The following ELMO1 variants were observed in gnomAD, a reference collection of about 807,000 sequenced individuals.
The protein encoded by ELMO1 is engulfment and cell motility protein 1.
In ELMO1, 26 loss-of-function variants were observed where a neutral mutation model predicts 98.9. The ratio of observed to expected loss-of-function variants is 0.26; its 90% CI spans 0.19 to 0.36. The LOEUF is 0.36. Among genes scored for constraint, ELMO1 ranks in the 10% least tolerant of loss-of-function variants. The pLI, the probability that ELMO1 is intolerant of heterozygous loss-of-function variation, is 1.00. For missense variants in ELMO1, 627 were observed against 935.2 expected (o/e 0.67, Z 4.30); for synonymous variants, 346 against 346.0 (o/e 1.00, Z 0.00).
At chr7:37,421,381 T>C (rs1312094167) in intron 1 of ELMO1, among the ~76,000 whole-genome samples, 1 of 152,248 alleles carries the variant, frequency 6.6e-6, no homozygotes, top group Non-Finnish European at 1.5e-5. Context: ...CATTTTGCAA[T>C]GATCAGCCAG....
At chr7:37,241,275 T>C (rs1794754130) in intron 7 of ELMO1, among the ~76,000 whole-genome samples, 1 of 152,170 alleles carries the variant, frequency 6.6e-6, no homozygotes, top group Non-Finnish European at 1.5e-5. Flanking sequence ...TTAACTCTGA[T>C]AACATATTGC....
chr7:37,188,501 A>AAAATAATAAT (rs764889756), intron 13 of ELMO1, among the ~76,000 whole-genome samples: 16 of 125,940 alleles, frequency 1.3e-4, no homozygotes, highest in African/African-American at 3.9e-4. Context: ...AAAAAAAAAA[A>AAAATAATAAT]AATAATAATA....
At chr7:37,013,935 C>T (rs1312505877) in intron 15 of ELMO1, among the ~76,000 whole-genome samples, 1 of 152,216 alleles carries the variant, frequency 6.6e-6, no homozygotes. Flanking sequence ...TCTCTCATGG[C>T]AGTAAGCAGG....
chr7:36,858,969 T>C (rs966008951), intron 21 of ELMO1, among the ~76,000 whole-genome samples: 6 of 152,210 alleles, frequency 3.9e-5, no homozygotes, highest in African/African-American at 1.4e-4. Context: ...TTTGTTACAA[T>C]AGCAACAGTA....
rs536980110 is a variant in ELMO1, at chr7:37,167,922, C to T, written c.1087-34688G>A. Among the ~76,000 whole-genome samples the T allele has an allele frequency of 2.6e-3, 401 of 152,232 alleles. 5 individuals carry two copies. Among genetic ancestry groups the T allele is most frequent in the African/African-American group, 9.2e-3 (383 of 41,528 alleles). On this transcript the variant is annotated intron_variant, in intron 13 of 21. Coordinates refer to ENST00000310758, the MANE Select transcript of ELMO1 (RefSeq NM_014800.11). Reference sequence around the variant, plus strand: ...TTGGGGAAGTTCTCCTGGATAATATCCTGTAGAGTGTTTTCCAACTTGGTT... The same window carrying T: ...TTGGGGAAGTTCTCCTGGATAATATTCTGTAGAGTGTTTTCCAACTTGGTT...
chr7:37,185,502 AC>A (rs1316139419), intron 13 of ELMO1, among the ~76,000 whole-genome samples: 2 of 152,164 alleles, frequency 1.3e-5, no homozygotes, highest in Non-Finnish European at 2.9e-5. Context: ...GGCATGGTAA[AC>A]CCACTCAGAT....
Position 37,125,023 on chromosome 7 carries a change from C to T in ELMO1, c.1191+8107G>A, listed in dbSNP as rs564566356. Among the ~76,000 whole-genome samples, 292 of 152,222 alleles carry T rather than the reference C, an allele frequency of 1.9e-3. 2 individuals are homozygous for T. The East Asian group carries it at 0.032, about 17-fold the overall frequency. On this transcript the variant is annotated intron_variant, in intron 14 of 21. Transcript: ENST00000310758. ...TGATCTTTGACAAACCTGACAAAAA[C>T]AAGAAATGGGGAAAGGATTCCCTAT... is the stretch of plus-strand genomic sequence containing the variant.
intron 1 of ELMO1, among the ~76,000 whole-genome samples, chr7:37,436,384 T>C (rs1393215556): frequency 6.6e-6 from 1 of 152,204 alleles, no homozygotes; most frequent in Non-Finnish European, 1.5e-5. Flanking sequence ...TGTATATTTG[T>C]CAGGTCCAAT....
intron 13 of ELMO1, among the ~76,000 whole-genome samples, chr7:37,146,166 T>G (rs1472014878): frequency 1.3e-5 from 2 of 152,162 alleles, no homozygotes; most frequent in African/African-American, 4.8e-5. Context: ...CCAGTGTCCT[T>G]CCAAGGTTGA....
chr7:37,329,390 A>G (rs940512231), intron 2 of ELMO1, among the ~76,000 whole-genome samples: 1 of 152,198 alleles, frequency 6.6e-6, no homozygotes, highest in East Asian at 1.9e-4. Context: ...TCAAATATTT[A>G]TCATTTCTTT....
intron 1 of ELMO1, among the ~76,000 whole-genome samples, chr7:37,384,838 T>C (rs112728616): frequency 3.9e-5 from 6 of 152,320 alleles, no homozygotes; most frequent in African/African-American, 1.4e-4. Flanking sequence ...TTCACTCTAA[T>C]CTGCAATAAA....
intron 4 of ELMO1, among the ~76,000 whole-genome samples, chr7:37,305,601 C>T (rs547612207): frequency 6.6e-6 from 1 of 152,342 alleles, no homozygotes; most frequent in South Asian, 2.1e-4. Flanking sequence ...AATTTCTCCA[C>T]TGTGAATAAT....
intron 1 of ELMO1, among the ~76,000 whole-genome samples, chr7:37,380,084 C>G (rs980989338): frequency 6.6e-6 from 1 of 152,180 alleles, no homozygotes; most frequent in Admixed American, 6.5e-5. Context: ...ATGCGTGACT[C>G]TTGTGTAGTA....
In ELMO1 at chr7:37,312,796, T is replaced by A. The variant is rs187054364; in HGVS notation, c.192+2054A>T. 6.0e-4 allele frequency among the ~76,000 whole-genome samples: 92 copies of A among 152,292 alleles called. No individual in the cohort carries two copies. The East Asian group carries it at 0.017, about 28-fold the overall frequency. On this transcript the variant is annotated intron_variant, in intron 4 of 21. Transcript: ENST00000310758. ...GAACTATTCACGACTCAACAGCTTT[T>A]TTACCACAACCCAGGGTAAATCACC...
At position 36,995,883 on chromosome 7, in the gene ELMO1, T is replaced by C. The variant is rs539177712; in HGVS notation, c.1437+17416A>G. Among the ~76,000 whole-genome samples the C allele has an allele frequency of 3.8e-4, 58 of 152,288 alleles. 1 individual carries two copies. The South Asian group carries it at 0.011, about 30-fold the overall frequency. On this transcript the variant is annotated intron_variant, in intron 16 of 21. Transcript: ENST00000310758. ...AATCAATGTTGGTGAATTTCCAACA[T>C]TGAGCCAAAGGATGATGAGCCAAAG...
chr7:37,292,408 CAT>C (rs1562587719), intron 4 of ELMO1, among the ~76,000 whole-genome samples: 1 of 72,682 alleles, frequency 1.4e-5, no homozygotes, highest in African/African-American at 3.5e-5. Flanking sequence ...CCTGGCCGCC[CAT>C]CATCTGCGAT....
At chr7:37,406,250 T>C (rs1350148902) in intron 1 of ELMO1, among the ~76,000 whole-genome samples, 9 of 147,548 alleles carry the variant, frequency 6.1e-5, no homozygotes, top group Admixed American at 1.4e-4. Context: ...GGGAGAAATC[T>C]GCAATATTAC....
chr7:37,022,705 T>C (rs1281552724), intron 15 of ELMO1, among the ~76,000 whole-genome samples: 14 of 152,254 alleles, frequency 9.2e-5, no homozygotes, highest in Admixed American at 9.2e-4. Flanking sequence ...TCTTACTTTA[T>C]AATACAGCAA....
intron 19 of ELMO1, among the ~76,000 whole-genome samples, chr7:36,875,021 G>A (rs1164696130): frequency 5.9e-5 from 9 of 152,166 alleles, no homozygotes; most frequent in Admixed American, 4.6e-4. Context: ...TATTCAGCAC[G>A]GATTAACTCA....
Sources: allele counts gnomAD v4.1 joint callset (sites outside exome capture counted in the v4.1 genomes callset), GRCh38; gene constraint gnomAD v4.1.1; transcripts MANE v1.5; gene names NCBI Gene and HGNC (gene_info 2026-07-23, HGNC 2026-07-21).